Variants in CDCP2 observed in about 807,000 individuals in gnomAD.
CDCP2 encodes the protein CUB domain containing protein 2.
In CDCP2, 31 loss-of-function variants were observed where a neutral mutation model predicts 31.0. The observed-to-expected ratio is 1.00, with a 90% CI of 0.75 to 1.35. The LOEUF (loss-of-function observed/expected upper bound fraction) is 1.35. Among genes scored for constraint, CDCP2 ranks in the 40% most tolerant of loss-of-function variants. CDCP2 has a pLI of 0.00. For missense variants in CDCP2, 443 were observed against 482.6 expected (o/e 0.92, Z 0.77); for synonymous variants, 206 against 207.9 (o/e 0.99, Z 0.08).
intron 4 of CDCP2, chr1:54,137,802 A>G (rs545171798): frequency 6.6e-6 from 1 of 151,854 alleles, no homozygotes; most frequent in Admixed American, 6.6e-5. Context: ...GGAACTCTCA[A>G]CCCCTCTCCG....
In CDCP2 at chr1:54,141,197, T is replaced by TG; in HGVS notation, c.663dup (p.Arg222GlnfsTer94). ...CCCAGAGACACGAGGGTGGGGGGCC[T>TG]GGTGCTGCCACAGTAGTGGTGCCCA... On this transcript the variant is annotated frameshift_variant, in exon 3 of 6. Transcript: ENST00000530059. LOFTEE classifies it high-confidence loss of function. 2 of 1,601,600 alleles carry TG rather than the reference T, an allele frequency of 1.2e-6. No homozygotes were observed. The highest frequency in any genetic ancestry group is 1.7e-6 in the Non-Finnish European group (2 of 1,172,630).
chr1:54,144,104 G>A, intron 2 of CDCP2: 1 of 202,584 alleles, frequency 4.9e-6, no homozygotes, highest in African/African-American at 2.3e-5. Flanking sequence ...CCTGAGCGCA[G>A]TGCGACCCTC....
At position 54,149,568 on chromosome 1, in the gene CDCP2, C is replaced by A. The variant is rs140783286; in HGVS notation, c.79+3276G>T. Among the ~76,000 whole-genome samples, 424 of 152,314 alleles carry A rather than the reference C, an allele frequency of 2.8e-3. 4 individuals are homozygous for A. Among genetic ancestry groups the A allele is most frequent in the African/African-American group, 9.3e-3 (386 of 41,558 alleles). ...AGCACATCCCTGGTCACCTTCTCAG[C>A]GAGGCCTTCCCTAACCACCTGATTT... On this transcript the variant is annotated intron_variant, in intron 1 of 5. Coordinates refer to ENST00000530059, the Ensembl canonical transcript of CDCP2.
intron 2 of CDCP2, chr1:54,142,256 C>G (rs1659387703): frequency 6.6e-6 from 1 of 152,248 alleles, no homozygotes; most frequent in African/African-American, 2.4e-5. Flanking sequence ...GTGATCAAAC[C>G]TCCCTAATGG....
At chr1:54,133,668 G>A (rs113456392) in intron 5 of CDCP2, among the ~76,000 whole-genome samples, 18,146 of 152,146 alleles carry the variant, frequency 0.12, 1,151 homozygotes, top group Middle Eastern at 0.14. Context: ...AGGCCAAGGC[G>A]GGCGGATCAT....
chr1:54,144,871 T>C, intron 1 of CDCP2, 58 bp from the exon 2 acceptor site: 14 of 1,372,152 alleles, frequency 1.0e-5, no homozygotes, highest in Non-Finnish European at 1.4e-5. Flanking sequence ...GTACATGTGG[T>C]AAGGGCAGTG....
At position 54,144,454 on chromosome 1, in the gene CDCP2, C is replaced by A; in HGVS notation, c.427+12G>T. 1.6e-5 allele frequency: 25 copies of A among 1,554,700 alleles called. No homozygotes were observed. The highest frequency in any genetic ancestry group is 2.2e-5 in the Non-Finnish European group (25 of 1,147,720). On this transcript the variant is annotated intron_variant, in intron 2 of 5. Transcript: ENST00000530059. ...GAGCCACTGCAACAGGTCCCTAAGGCCCCCCGTTGACCTTTCTGGTAGCCC... is the reference window on the plus strand; with the variant it reads ...GAGCCACTGCAACAGGTCCCTAAGGACCCCCGTTGACCTTTCTGGTAGCCC...
intron 1 of CDCP2, among the ~76,000 whole-genome samples, chr1:54,145,778 C>T (rs1341193106): frequency 1.3e-5 from 2 of 152,162 alleles, no homozygotes; most frequent in Non-Finnish European, 2.9e-5. Flanking sequence ...AGGAAGCAGG[C>T]ATGATGGCTG....
exon 4 of CDCP2, chr1:54,140,043 G>C: frequency 6.2e-7 from 1 of 1,613,856 alleles, no homozygotes; most frequent in South Asian, 1.1e-5. Flanking sequence ...GTTGGGGTAG[G>C]AGCTGGGGTA....
chr1:54,139,950 G>A (rs146704826), exon 4 of CDCP2: 1 of 1,614,186 alleles, frequency 6.2e-7, no homozygotes, highest in Non-Finnish European at 8.5e-7. Flanking sequence ...CAGGCTGTTG[G>A]GCTCCTCCAG....
intron 1 of CDCP2, 25 bp from the exon 2 acceptor site, chr1:54,144,838 G>A: frequency 4.5e-6 from 7 of 1,568,060 alleles, no homozygotes; most frequent in Non-Finnish European, 4.3e-6. Flanking sequence ...AAGTATGGCT[G>A]AGACTCCGTG....
intron 3 of CDCP2, chr1:54,140,594 G>A: frequency 4.6e-6 from 1 of 217,814 alleles, no homozygotes; most frequent in South Asian, 7.5e-5. Context: ...ACTCCTTCAG[G>A]GTACTGCTCA....
chr1:54,144,869 GGTA>G (rs1424315955), intron 1 of CDCP2, 56 bp from the exon 2 acceptor site: 6 of 1,396,068 alleles, frequency 4.3e-6, no homozygotes, highest in Admixed American at 4.4e-5. Context: ...GGGTACATGT[GGTA>G]AGGGCAGTGG....
intron 5 of CDCP2, 149 bp from the exon 6 acceptor site, chr1:54,133,443 A>T (rs1370993408): frequency 2.5e-6 from 1 of 397,648 alleles, no homozygotes; most frequent in Non-Finnish European, 4.4e-6. Context: ...CCCATCTGTA[A>T]AAGGAGTACC....
rs1012127413 is a variant in CDCP2, at chr1:54,144,360, C to T, written c.427+106G>A. The T allele has an allele frequency of 3.8e-6, 4 of 1,044,156 alleles. No homozygotes were observed. The African/African-American group carries it at 4.8e-5, about 13-fold the overall frequency. 64.7% of individuals were successfully genotyped at this position (1,044,156 alleles called of 1,614,324 possible). The stretch of plus-strand genomic sequence containing the variant: ...GGGCCAGCTCCTCCACTGCCAAATC[C>T]CCCCTTGAACTCCTGGGATCAAGTA... On this transcript the variant is annotated intron_variant, in intron 2 of 5. Transcript: ENST00000530059.
intron 4 of CDCP2, 56 bp downstream of exon 4, chr1:54,139,697 A>G: frequency 1.2e-6 from 2 of 1,614,136 alleles, no homozygotes; most frequent in Non-Finnish European, 1.7e-6. Flanking sequence ...GCAAAGACTG[A>G]GGCTGCAAAG....
Position 54,139,863 on chromosome 1 carries a change from C to T in CDCP2, c.1007G>A (p.Cys336Tyr), listed in dbSNP as rs759953086. ...CACGGGTGGTGGCAGGTGGTGTCCA[C>T]ACCAATTCCCCAGCAGGGGTGCCTC... Residue 336 changes from cysteine (C) to tyrosine (Y), a missense_variant, in exon 4 of 6, where the codon TGT (cysteine) becomes TAT (tyrosine). Transcript: ENST00000530059. 6.2e-7 allele frequency: 1 copy of T among 1,614,058 alleles called. No individual in the cohort carries two copies. Among genetic ancestry groups the T allele is most frequent in the East Asian group, 2.2e-5 (1 of 44,878 alleles).
chr1:54,143,627 C>G (rs531766068), intron 2 of CDCP2: 2 of 152,164 alleles, frequency 1.3e-5, no homozygotes, highest in African/African-American at 4.8e-5. Flanking sequence ...ACAATTCTAT[C>G]CTTCCAAATG....
intron 5 of CDCP2, 23 bp downstream of exon 5, chr1:54,136,607 C>T: frequency 2.5e-6 from 1 of 399,282 alleles, no homozygotes; most frequent in Non-Finnish European, 4.4e-6. Context: ...TCCCTTGTGA[C>T]TGCCCCTTCC....
Sources: allele counts gnomAD v4.1 joint callset (sites outside exome capture counted in the v4.1 genomes callset), GRCh38; gene constraint gnomAD v4.1.1; transcripts MANE v1.5; gene names NCBI Gene and HGNC (gene_info 2026-07-23, HGNC 2026-07-21).